Variants in PDE4D observed in about 807,000 individuals in gnomAD.
The protein encoded by PDE4D is phosphodiesterase 4D, also known as 3',5'-cyclic-AMP phosphodiesterase 4D.
Under a neutral mutation model 87.4 loss-of-function variants are expected in PDE4D, and 24 were observed. The ratio of observed to expected loss-of-function variants is 0.27; its 90% CI spans 0.20 to 0.39. The LOEUF is 0.39. PDE4D is among the 10% of genes least tolerant of loss of function. The pLI, the probability that PDE4D is intolerant of heterozygous loss-of-function variation, is 1.00. For synonymous variants in PDE4D, 384 were observed against 383.2 expected, an observed-to-expected ratio of 1.00 and a Z score of -0.02; for missense variants, 714 against 1,041.0, an observed-to-expected ratio of 0.69 and a Z score of 4.32.
intron 1 of PDE4D, among the ~76,000 whole-genome samples, chr5:59,799,581 A>T (rs890496194): frequency 6.6e-6 from 1 of 152,190 alleles, no homozygotes; most frequent in African/African-American, 2.4e-5. Context: ...TGACTTTTAG[A>T]TTCTGTGCTT....
intron 1 of PDE4D, among the ~76,000 whole-genome samples, chr5:59,504,464 C>T (rs1327880301): frequency 1.3e-5 from 2 of 152,086 alleles, no homozygotes; most frequent in Non-Finnish European, 2.9e-5. Flanking sequence ...AATATAAACA[C>T]GTGCTTTAAA....
rs138522250 is a variant in PDE4D at position 59,330,842 on chromosome 5, G to T, written c.456-114874C>A. Among the ~76,000 whole-genome samples the T allele has an allele frequency of 8.0e-3, 1,222 of 152,204 alleles. 10 individuals are homozygous for T. Among genetic ancestry groups the T allele is most frequent in the South Asian group, 0.027 (128 of 4,824 alleles). ...GGCACTTCTCTGTTTATGTTGCCAT[G>T]GCTTCCTCGACAGCCTCATTCCTGC... is the stretch of plus-strand genomic sequence containing the variant. On this transcript the variant is annotated intron_variant, in intron 1 of 14. Transcript: ENST00000340635.
Position 60,380,288 on chromosome 5 carries a change from T to C in PDE4D, c.-90+107654A>G, listed in dbSNP as rs16877966. 4.8e-3 allele frequency among the ~76,000 whole-genome samples: 729 copies of C among 152,308 alleles called. 6 individuals are homozygous for C. The highest frequency in any genetic ancestry group is 0.017 in the African/African-American group (715 of 41,558). ...CTTCCAGCCTCTTTAGATACTCTAATGATCATTTAACACAGAGGCTAGCTA... is the reference window on the plus strand; with the variant it reads ...CTTCCAGCCTCTTTAGATACTCTAACGATCATTTAACACAGAGGCTAGCTA... On this transcript the variant is annotated intron_variant, in intron 1 of 16. Transcript: ENST00000502484.
chr5:59,538,412 C>T (rs1364886942), intron 1 of PDE4D, among the ~76,000 whole-genome samples: 1 of 152,206 alleles, frequency 6.6e-6, no homozygotes, highest in Non-Finnish European at 1.5e-5. Context: ...CTCAAACTCA[C>T]TCCTCTTGCT....
At chr5:60,158,849 G>A (rs1474183708) in intron 2 of PDE4D, among the ~76,000 whole-genome samples, 6 of 152,292 alleles carry the variant, frequency 3.9e-5, no homozygotes, top group Middle Eastern at 3.4e-3. Flanking sequence ...GATTACAGGC[G>A]TGAGCCACCG....
chr5:59,531,306 C>A (rs956219650), intron 1 of PDE4D, among the ~76,000 whole-genome samples: 2 of 152,162 alleles, frequency 1.3e-5, no homozygotes, highest in Admixed American at 1.3e-4. Flanking sequence ...CAAATGTTAA[C>A]CTGGAGGGCT....
chr5:59,170,189 T>A (rs1013113796), intron 5 of PDE4D, among the ~76,000 whole-genome samples: 3 of 152,178 alleles, frequency 2.0e-5, no homozygotes, highest in Non-Finnish European at 4.4e-5. Flanking sequence ...AGCTAATTTT[T>A]AAAATTTTTT....
At chr5:59,858,064 G>A (rs932807595) in intron 1 of PDE4D, among the ~76,000 whole-genome samples, 2 of 152,048 alleles carry the variant, frequency 1.3e-5, no homozygotes, top group Non-Finnish European at 2.9e-5. Flanking sequence ...AGTCAAGCAG[G>A]TAGGCTGGGT....
At chr5:59,524,460 G>C (rs915007858) in intron 1 of PDE4D, among the ~76,000 whole-genome samples, 3 of 152,142 alleles carry the variant, frequency 2.0e-5, no homozygotes, top group Admixed American at 2.0e-4. Flanking sequence ...GAATTAGAGA[G>C]ATGATTTAGA....
intron 6 of PDE4D, among the ~76,000 whole-genome samples, chr5:59,006,085 C>G (rs1751543704): frequency 6.6e-6 from 1 of 152,154 alleles, no homozygotes; most frequent in African/African-American, 2.4e-5. Context: ...CACAGCTGCC[C>G]TCATATGCAG....
Position 59,934,445 on chromosome 5 carries a change from G to T in PDE4D, c.272+54043C>A, listed in dbSNP as rs1756337594. On this transcript the variant is annotated intron_variant, in intron 3 of 16. Transcript: ENST00000502484. ...CTGTGGTTCTATCACTCTAATTCCA[G>T]TTGATTCCTGCTTCTGCTATAATTG... Among the ~76,000 whole-genome samples, 4 of 152,116 alleles carry T rather than the reference G, an allele frequency of 2.6e-5. No homozygotes were observed. In the South Asian group the frequency reaches 8.3e-4, roughly 32 times the overall value.
Position 60,111,207 on chromosome 5 carries a change from C to T in PDE4D, c.42+74350G>A, listed in dbSNP as rs77540060. Among the ~76,000 whole-genome samples, 626 of 151,958 alleles carry T rather than the reference C, an allele frequency of 4.1e-3. 5 individuals carry two copies. The highest frequency in any genetic ancestry group is 6.3e-3 in the Non-Finnish European group (428 of 67,892). On this transcript the variant is annotated intron_variant, in intron 2 of 16. Transcript: ENST00000502484. ...TGACAAATGTTTGAGGTGATGTATA[C>T]GCTAATTACCCTGATTTGATCATTA...
chr5:60,289,833 C>A (rs1427196771), intron 1 of PDE4D, among the ~76,000 whole-genome samples: 1 of 152,092 alleles, frequency 6.6e-6, no homozygotes, highest in African/African-American at 2.4e-5. Flanking sequence ...TAAAATAGTG[C>A]CAGATTAGTG....
chr5:59,679,400 C>G (rs1748644628), intron 1 of PDE4D, among the ~76,000 whole-genome samples: 2 of 152,120 alleles, frequency 1.3e-5, no homozygotes, highest in Admixed American at 6.5e-5. Context: ...GCAAGAAATT[C>G]CACTGCTAGT....
At chr5:59,054,944 T>A (rs1158087426) in intron 5 of PDE4D, among the ~76,000 whole-genome samples, 1 of 152,168 alleles carries the variant, frequency 6.6e-6, no homozygotes, top group Admixed American at 6.6e-5. Context: ...CACGTGAGAG[T>A]AGAACACATA....
At chr5:60,084,025 T>C (rs915700982) in intron 2 of PDE4D, among the ~76,000 whole-genome samples, 1 of 152,232 alleles carries the variant, frequency 6.6e-6, no homozygotes, top group Admixed American at 6.5e-5. Context: ...TGGCTGATGT[T>C]ATATTGTTCA....
At chr5:59,294,038 G>T (rs886952454) in intron 1 of PDE4D, among the ~76,000 whole-genome samples, 2 of 152,200 alleles carry the variant, frequency 1.3e-5, no homozygotes, top group Admixed American at 1.3e-4. Context: ...TGCTGGGCAT[G>T]ACTGGAAGCA....
At position 59,131,408 on chromosome 5, in the gene PDE4D, G is replaced by A. The variant is rs1350657024; in HGVS notation, c.808+49187C>T. 2.6e-5 allele frequency among the ~76,000 whole-genome samples: 4 copies of A among 152,122 alleles called. 1 individual carries two copies. The highest frequency in any genetic ancestry group is 9.6e-5 in the African/African-American group (4 of 41,504). ...ATTAAAAAATTGTTATATAAAGTTG[G>A]GTTGTTGTCTTGTCCAATAGTAGCT... On this transcript the variant is annotated intron_variant, in intron 5 of 14. Transcript: ENST00000340635.
intron 5 of PDE4D, among the ~76,000 whole-genome samples, chr5:59,087,148 C>G (rs116351649): frequency 6.6e-6 from 1 of 152,088 alleles, no homozygotes; most frequent in Non-Finnish European, 1.5e-5. Context: ...AATGCAGGCA[C>G]ATTACGCAGA....
Sources: gnomAD v4.1 joint callset for allele counts (sites outside exome capture counted in the v4.1 genomes callset) on GRCh38, gnomAD v4.1.1 for gene constraint, MANE v1.5 for transcripts, NCBI Gene and HGNC (gene_info 2026-07-23, HGNC 2026-07-21) for gene names.